Variants in LARGE1 observed in about 807,000 individuals in gnomAD.
The protein encoded by LARGE1 is LARGE xylosyl- and glucuronyltransferase 1.
A neutral mutation model predicts 87.6 loss-of-function variants in LARGE1; 43 were observed. The observed-to-expected ratio is 0.49, with a 90% CI of 0.38 to 0.63. The LOEUF (loss-of-function observed/expected upper bound fraction) is 0.63, where lower values mean the gene tolerates loss of function less well. LARGE1 is among the 30% of genes least tolerant of loss of function. LARGE1 has a pLI of 0.00. For synonymous variants in LARGE1, 434 were observed against 394.6 expected, an observed-to-expected ratio of 1.10 and a Z score of -1.18; for missense variants, 802 against 1,000.2, an observed-to-expected ratio of 0.80 and a Z score of 2.67.
At chr22:33,198,396 C>T (rs1924189142) in intron 11 of LARGE1, among the ~76,000 whole-genome samples, 1 of 152,012 alleles carries the variant, frequency 6.6e-6, no homozygotes, top group South Asian at 2.1e-4. Context: ...TCATAGTTCG[C>T]TGCAGCCTCA....
At chr22:33,909,132 C>A (rs913795619) in intron 1 of LARGE1, among the ~76,000 whole-genome samples, 1 of 152,106 alleles carries the variant, frequency 6.6e-6, no homozygotes, top group African/African-American at 2.4e-5. Context: ...AAGGAGAAAG[C>A]GCTATTTTAA....
At chr22:33,557,835 G>C (rs1177174467) in intron 6 of LARGE1, among the ~76,000 whole-genome samples, 1 of 152,172 alleles carries the variant, frequency 6.6e-6, no homozygotes, top group African/African-American at 2.4e-5. Context: ...CTGAAGTGCT[G>C]GGATTATGGG....
At chr22:33,094,520 G>A in the LARGE1 span, among the ~76,000 whole-genome samples, 2 of 151,750 alleles carry the variant, frequency 1.3e-5, no homozygotes, top group Admixed American at 6.6e-5. Context: ...AATACCACTC[G>A]AGCCCAGACC....
At chr22:33,630,176 G>A (rs2080061562) in intron 3 of LARGE1, among the ~76,000 whole-genome samples, 1 of 151,848 alleles carries the variant, frequency 6.6e-6, no homozygotes, top group African/African-American at 2.4e-5. Flanking sequence ...TCCAGCCTGG[G>A]CAACAAGAAC....
At chr22:33,631,244 G>A (rs1366308351) in intron 3 of LARGE1, among the ~76,000 whole-genome samples, 1 of 151,920 alleles carries the variant, frequency 6.6e-6, no homozygotes, top group Non-Finnish European at 1.5e-5. Flanking sequence ...CACAGAACAC[G>A]ACAGCCTCGA....
chr22:33,107,496 A>G, the LARGE1 span, among the ~76,000 whole-genome samples: 1 of 152,192 alleles, frequency 6.6e-6, no homozygotes, highest in Non-Finnish European at 1.5e-5. Flanking sequence ...TCGAGGCTGC[A>G]GAGATCCACG....
At chr22:33,805,416 G>A (rs1488263081) in intron 1 of LARGE1, among the ~76,000 whole-genome samples, 2 of 152,054 alleles carry the variant, frequency 1.3e-5, no homozygotes, top group Non-Finnish European at 2.9e-5. Flanking sequence ...CCACTCCAAT[G>A]GCTCCCAACT....
the LARGE1 span, among the ~76,000 whole-genome samples, chr22:33,124,326 G>A: frequency 1.4e-4 from 9 of 65,856 alleles, no homozygotes; most frequent in East Asian, 2.3e-3. Flanking sequence ...GACAGAAAGG[G>A]AGAAAGAGAC....
chr22:33,119,105 A>G, the LARGE1 span, among the ~76,000 whole-genome samples: 1 of 152,286 alleles, frequency 6.6e-6, no homozygotes, highest in East Asian at 1.9e-4. Flanking sequence ...GTCTCTCGAG[A>G]GTTTTGCTAA....
chr22:33,491,694 G>C (rs1230465953), intron 6 of LARGE1, among the ~76,000 whole-genome samples: 1 of 152,158 alleles, frequency 6.6e-6, no homozygotes, highest in Non-Finnish European at 1.5e-5. Flanking sequence ...ATCATAAGTC[G>C]ATCTTACAGC....
chr22:33,559,427 C>T (rs1213345328), intron 6 of LARGE1, among the ~76,000 whole-genome samples: 3 of 152,200 alleles, frequency 2.0e-5, no homozygotes, highest in Non-Finnish European at 4.4e-5. Context: ...GGTGATCCAC[C>T]CCCCTCGGCC....
At chr22:33,619,453 G>A (rs1264610484) in intron 4 of LARGE1, among the ~76,000 whole-genome samples, 1 of 151,442 alleles carries the variant, frequency 6.6e-6, no homozygotes, top group African/African-American at 2.4e-5. Flanking sequence ...TAGTTGGGAG[G>A]TTGAGGAAGG....
intron 2 of LARGE1, among the ~76,000 whole-genome samples, chr22:33,757,852 T>C (rs1198117877): frequency 6.6e-6 from 1 of 152,158 alleles, no homozygotes; most frequent in Non-Finnish European, 1.5e-5. Flanking sequence ...CTTTGGGAAA[T>C]GCACTGTTGT....
chr22:33,224,226 A>G (rs1463314927), intron 11 of LARGE1, among the ~76,000 whole-genome samples: 1 of 152,066 alleles, frequency 6.6e-6, no homozygotes, highest in Non-Finnish European at 1.5e-5. Flanking sequence ...AGATCGCGCC[A>G]CTGCACTCCA....
chr22:33,510,354 T>C (rs1227691789), intron 6 of LARGE1, among the ~76,000 whole-genome samples: 1 of 152,228 alleles, frequency 6.6e-6, no homozygotes, highest in East Asian at 1.9e-4. Flanking sequence ...TTAGGAACTT[T>C]ACAGATGAGG....
rs575549581 is a variant in LARGE1, at chr22:33,614,509, C to T, written c.492-9951G>A. Among the ~76,000 whole-genome samples the T allele has an allele frequency of 1.2e-4, 18 of 152,224 alleles. 1 individual carries two copies. The highest frequency in any genetic ancestry group is 9.8e-4 in the Admixed American group (15 of 15,288). On this transcript the variant is annotated intron_variant, in intron 4 of 14. Coordinates refer to ENST00000397394, the MANE Select transcript of LARGE1 (RefSeq NM_133642.5). ...GAGCAAAAAAGACCTTCAACGATCT[C>T]ACCCTATCTGTCCCTCAAAGCTCAT...
At chr22:33,135,493 A>C in the LARGE1 span, among the ~76,000 whole-genome samples, 1 of 152,244 alleles carries the variant, frequency 6.6e-6, no homozygotes, top group Non-Finnish European at 1.5e-5. Context: ...CATTCCATAA[A>C]TTTGTTGCTA....
intron 11 of LARGE1, among the ~76,000 whole-genome samples, chr22:33,309,034 T>C (rs967450393): frequency 6.6e-6 from 1 of 152,202 alleles, no homozygotes; most frequent in African/African-American, 2.4e-5. Flanking sequence ...TGGTATACTA[T>C]ACAGGCAAGG....
intron 12 of LARGE1, among the ~76,000 whole-genome samples, chr22:33,299,701 G>A (rs1933884913): frequency 6.6e-6 from 1 of 152,178 alleles, no homozygotes; most frequent in Non-Finnish European, 1.5e-5. Flanking sequence ...ATTAACTGAG[G>A]AAGTGAAAGA....
Sources: allele counts gnomAD v4.1 joint callset (sites outside exome capture counted in the v4.1 genomes callset), GRCh38; gene constraint gnomAD v4.1.1; transcripts MANE v1.5; gene names NCBI Gene and HGNC (gene_info 2026-07-23, HGNC 2026-07-21).